Variants in TREH observed in about 807,000 individuals in gnomAD.
TREH encodes alpha,alpha-trehalose glucohydrolase.
Under a neutral mutation model 80.5 loss-of-function variants are expected in TREH, and 69 were observed. The observed-to-expected ratio is 0.86, with a 90% CI of 0.71 to 1.05. The LOEUF is 1.05. TREH is among the 50% of genes least tolerant of loss of function. The pLI is 0.00. For synonymous variants in TREH, 309 were observed against 293.5 expected (o/e 1.05, Z -0.54); for missense variants, 716 against 718.8 (o/e 1.00, Z 0.04).
Position 118,661,996 on chromosome 11 carries a change from G to C in TREH, c.424-6C>G, listed in dbSNP as rs572102758. 1 of 1,550,922 alleles carries C rather than the reference G, an allele frequency of 6.4e-7. No homozygotes were observed. The highest frequency in any genetic ancestry group is 8.7e-7 in the Non-Finnish European group (1 of 1,146,216). Reference sequence around the variant, plus strand: ...CTGAGAACCTCTGGCTTCATCTGGAGTCGGGAGAGAGGGCAAGGGGAGCCT... The same window carrying C: ...CTGAGAACCTCTGGCTTCATCTGGACTCGGGAGAGAGGGCAAGGGGAGCCT... On this transcript the variant is annotated splice_polypyrimidine_tract_variant and splice_region_variant and intron_variant, in intron 4 of 14. Coordinates refer to ENST00000264029, the MANE Select transcript of TREH (RefSeq NM_007180.3). This position sits in a 1 kb window ranked among gnomAD's most constrained non-coding sequence, Gnocchi z 4.2.
rs895803899 is a variant in TREH at position 118,668,596 on chromosome 11, C to T, written c.90-5157G>A. On this transcript the variant is annotated intron_variant, in intron 1 of 14. Coordinates refer to ENST00000264029, the MANE Select transcript of TREH (RefSeq NM_007180.3). Reference sequence around the variant, plus strand: ...AAAAAAAAAAAAAAAAAAAGATTTTCCATGTTCATTATTTATGGATTGGAA... The same window carrying T: ...AAAAAAAAAAAAAAAAAAAGATTTTTCATGTTCATTATTTATGGATTGGAA... Among the ~76,000 whole-genome samples the T allele has an allele frequency of 1.6e-4, 19 of 116,530 alleles. No individual in the cohort carries two copies. The East Asian group carries it at 4.4e-3, about 27-fold the overall frequency. 76.4% of individuals were successfully genotyped at this position (116,530 alleles called of 152,430 possible).
At position 118,659,295 on chromosome 11, in the gene TREH, G is replaced by C. The variant is rs1259160396; in HGVS notation, c.1432+75C>G. 6 of 1,270,814 alleles carry C rather than the reference G, an allele frequency of 4.7e-6. No individual in the cohort carries two copies. The East Asian group carries it at 7.6e-5, about 16-fold the overall frequency. 78.7% of individuals were successfully genotyped at this position (1,270,814 alleles called of 1,614,324 possible). On this transcript the variant is annotated intron_variant, in intron 12 of 14. Coordinates refer to ENST00000264029, the MANE Select transcript of TREH (RefSeq NM_007180.3). ...GGGGCCTCTTGTGTCTTTTGTTCAT[G>C]CCTCCCCAGCACCAGGGAGGCCCAC...
At chr11:118,664,959 A>G (rs1184398238) in intron 1 of TREH, among the ~76,000 whole-genome samples, 3 of 152,088 alleles carry the variant, frequency 2.0e-5, no homozygotes, top group African/African-American at 7.2e-5. Flanking sequence ...AAATACAAAA[A>G]TTAGACAGAT....
Position 118,662,218 on chromosome 11 carries a change from C to T in TREH, c.424-228G>A, listed in dbSNP as rs185223340. Among the ~76,000 whole-genome samples the T allele has an allele frequency of 1.2e-3, 156 of 134,068 alleles. 1 individual carries two copies. The highest frequency in any genetic ancestry group is 3.9e-3 in the African/African-American group (141 of 36,260). The allele number at this position is 134,068 out of a possible 152,430, so 88.0% of individuals were successfully genotyped here. A position where few individuals can be genotyped will look rare whatever the true frequency, so the allele number is the denominator to read the frequency against. On this transcript the variant is annotated intron_variant, in intron 4 of 14. Transcript: ENST00000264029. ...TGGGAGTCCCAGCTCAACTTGGTGC[C>T]GGGTAGAAGACCCGACCACTGAGCC...
At chr11:118,664,091 G>A (rs1839028129) in intron 1 of TREH, among the ~76,000 whole-genome samples, 1 of 152,194 alleles carries the variant, frequency 6.6e-6, no homozygotes, top group Non-Finnish European at 1.5e-5. Context: ...GGAATGCAAG[G>A]AGGTGCTAAT....
Position 118,659,355 on chromosome 11 carries a change from G to GCCCTGCCT in TREH, c.1432+7_1432+14dup. 1 of 1,535,416 alleles carries GCCCTGCCT rather than the reference G, an allele frequency of 6.5e-7. No individual in the cohort carries two copies. Among genetic ancestry groups the GCCCTGCCT allele is most frequent in the Non-Finnish European group, 8.8e-7 (1 of 1,138,224 alleles). On this transcript the variant is annotated intron_variant, in intron 12 of 14. Coordinates refer to ENST00000264029, the MANE Select transcript of TREH (RefSeq NM_007180.3). ...CTGGGAAGGGTCCTTGGCTGTGTCA[G>GCCCTGCCT]CCCTGCCTCCCTACCTCTGATGACC...
At position 118,661,221 on chromosome 11, in the gene TREH, C is replaced by T; in HGVS notation, c.796G>A (p.Val266Met). The T allele has an allele frequency of 6.2e-7, 1 of 1,614,028 alleles. No homozygotes were observed. The highest frequency in any genetic ancestry group is 8.5e-7 in the Non-Finnish European group (1 of 1,179,886). Residue 266 changes from valine to methionine, a missense_variant, in exon 8 of 15, where the codon GTG becomes ATG. By Grantham distance (21) the Val-to-Met change is conservative. Coordinates refer to ENST00000264029, the MANE Select transcript of TREH (RefSeq NM_007180.3). The surrounding 1 kb of genome is among the most constrained non-coding windows in gnomAD (Gnocchi z 4.2). ...AGGTAGTTCTTTCCCTCCAAGCTCACAGAGACAGTCCTGTTCTTGGTCCAA... is the reference window on the plus strand; with the variant it reads ...AGGTAGTTCTTTCCCTCCAAGCTCATAGAGACAGTCCTGTTCTTGGTCCAA... ...DFWTKNRTVS[V>M]SLEGKNYLLN...
At position 118,661,381 on chromosome 11, in the gene TREH, G is replaced by C; in HGVS notation, c.734+12C>G. 1 of 1,613,934 alleles carries C rather than the reference G, an allele frequency of 6.2e-7. No homozygotes were observed. Among genetic ancestry groups the C allele is most frequent in the Non-Finnish European group, 8.5e-7 (1 of 1,179,840 alleles). ...TGGGTCTGCAGAGCAGCACAGGGAG[G>C]GTGGTACCCACTGTAGAAAGGCGGT... On this transcript the variant is annotated intron_variant, in intron 7 of 14. Coordinates refer to ENST00000264029, the MANE Select transcript of TREH (RefSeq NM_007180.3). This position sits in a 1 kb window ranked among gnomAD's most constrained non-coding sequence, Gnocchi z 4.2.
At chr11:118,658,550 C>T in intron 14 of TREH, 109 bp from the exon 15 acceptor site, 1 of 1,518,728 alleles carries the variant, frequency 6.6e-7, no homozygotes, top group Non-Finnish European at 8.9e-7. Flanking sequence ...CCCAGCGGTA[C>T]AGGAAGCACC....
chr11:118,667,024 G>A (rs894131767), intron 1 of TREH, among the ~76,000 whole-genome samples: 2 of 150,616 alleles, frequency 1.3e-5, no homozygotes, highest in African/African-American at 2.4e-5. Context: ...CTGGGATTAC[G>A]GGCATGTGCC....
intron 1 of TREH, 115 bp downstream of exon 1, chr11:118,679,424 T>G: frequency 7.8e-7 from 1 of 1,275,256 alleles, no homozygotes; most frequent in East Asian, 2.8e-5. Flanking sequence ...CCCTACTCTT[T>G]CCTTCCTTTA....
Position 118,658,096 on chromosome 11 carries a change from G to T in TREH, c.*193C>A. 1.3e-6 allele frequency: 1 copy of T among 757,456 alleles called. No individual in the cohort carries two copies. The highest frequency in any genetic ancestry group is 2.1e-6 in the Non-Finnish European group (1 of 480,598). 46.9% of individuals were successfully genotyped at this position (757,456 alleles called of 1,614,324 possible). A position where few individuals can be genotyped will look rare whatever the true frequency, so the allele number is the denominator to read the frequency against. ...GGGATAGGTCTTCCCTCCAGAGCAG[G>T]ATTTCCACCCTATTCAAGGTTCCAG... On this transcript the variant is annotated 3_prime_UTR_variant, in exon 15 of 15. Transcript: ENST00000264029.
intron 1 of TREH, among the ~76,000 whole-genome samples, chr11:118,669,564 G>T (rs559940545): frequency 2.0e-5 from 3 of 152,330 alleles, no homozygotes; most frequent in African/African-American, 7.2e-5. Context: ...GGAACTGGAG[G>T]TCATTATATT....
chr11:118,668,809 G>T (rs1336818499), intron 1 of TREH, among the ~76,000 whole-genome samples: 7 of 151,884 alleles, frequency 4.6e-5, no homozygotes, highest in African/African-American at 9.7e-5. Flanking sequence ...GCGTGGTGGT[G>T]CATGCCTGTA....
At chr11:118,676,301 C>T (rs1162797026) in intron 1 of TREH, among the ~76,000 whole-genome samples, 1 of 152,188 alleles carries the variant, frequency 6.6e-6, no homozygotes, top group Non-Finnish European at 1.5e-5. Context: ...ATGGCAAAAC[C>T]CCATCTCTAC....
intron 4 of TREH, 69 bp from the exon 5 acceptor site, chr11:118,662,059 G>A (rs1555145129): frequency 3.1e-6 from 4 of 1,292,920 alleles, no homozygotes; most frequent in East Asian, 2.5e-5. Context: ...GGCAGCTGGG[G>A]GATCTGAGGC....
In TREH at chr11:118,674,044, C is replaced by T. The variant is rs538548142; in HGVS notation, c.89+5495G>A. 2.9e-4 allele frequency among the ~76,000 whole-genome samples: 44 copies of T among 152,200 alleles called. No individual in the cohort carries two copies. The highest frequency in any genetic ancestry group is 2.5e-3 in the Admixed American group (38 of 15,292). The stretch of plus-strand genomic sequence containing the variant: ...TTGAATACACTGAGTAACTGCATTC[C>T]CCCAGGAGCTTGTTCCTGATCCAGC... On this transcript the variant is annotated intron_variant, in intron 1 of 14. Transcript: ENST00000264029. The surrounding 1 kb of genome is among the most constrained non-coding windows in gnomAD (Gnocchi z 4.4).
Position 118,661,754 on chromosome 11 carries a change from C to T in TREH, c.525-25G>A, listed in dbSNP as rs1555145033. ...CCTGGGGAAGGGGCAGCTTAGGCAC[C>T]ACCCTGCTGCCTCCCTCTGCCCTGC... On this transcript the variant is annotated intron_variant, in intron 5 of 14. Transcript: ENST00000264029. This position sits in a 1 kb window ranked among gnomAD's most constrained non-coding sequence, Gnocchi z 4.2. 6.2e-7 allele frequency: 1 copy of T among 1,611,006 alleles called. No homozygotes were observed. Among genetic ancestry groups the T allele is most frequent in the African/African-American group, 1.3e-5 (1 of 74,876 alleles).
At chr11:118,662,794 T>C in intron 4 of TREH, 87 bp downstream of exon 4, 1 of 1,452,000 alleles carries the variant, frequency 6.9e-7, no homozygotes, top group Non-Finnish European at 9.4e-7. Context: ...AAACCTGATC[T>C]GTGCTCCGAA....
Sources: gnomAD v4.1 joint callset for allele counts (sites outside exome capture counted in the v4.1 genomes callset) on GRCh38, gnomAD v4.1.1 for gene constraint, Gnocchi (gnomAD v3.1) non-coding constraint, MANE v1.5 for transcripts, NCBI Gene and HGNC (gene_info 2026-07-23, HGNC 2026-07-21) for gene names.